The following VAV2 variants were observed in gnomAD, a reference collection of about 807,000 sequenced individuals.
VAV2 encodes the protein guanine nucleotide exchange factor VAV2.
In VAV2, 67 loss-of-function variants were observed where a neutral mutation model predicts 132.5. That is an observed-to-expected ratio of 0.51 (90% confidence interval 0.42 to 0.62). The LOEUF (loss-of-function observed/expected upper bound fraction) is 0.62. VAV2 is among the 20% of genes least tolerant of loss of function. VAV2 has a pLI of 0.00. For synonymous variants in VAV2, 492 were observed against 443.5 expected, an observed-to-expected ratio of 1.11 and a Z score of -1.37; for missense variants, 938 against 1,153.6, an observed-to-expected ratio of 0.81 and a Z score of 2.71.
chr9:133,954,218 G>A (rs1338809414), intron 1 of VAV2, among the ~76,000 whole-genome samples: 1 of 152,202 alleles, frequency 6.6e-6, no homozygotes, highest in Non-Finnish European at 1.5e-5. Flanking sequence ...CATTTCCAGG[G>A]ATTTCTGAGA....
chr9:133,954,041 C>T (rs1203792630), intron 1 of VAV2, among the ~76,000 whole-genome samples: 1 of 152,186 alleles, frequency 6.6e-6, no homozygotes, highest in South Asian at 2.1e-4. Flanking sequence ...GATCCCAGCA[C>T]TATACACGCC....
chr9:133,829,688 G>A (rs998900605), intron 4 of VAV2, among the ~76,000 whole-genome samples: 1 of 152,150 alleles, frequency 6.6e-6, no homozygotes, highest in African/African-American at 2.4e-5. Context: ...AGGCTGGAGT[G>A]CAGTGACAGG....
In VAV2 at chr9:133,804,076, G is replaced by A. The variant is rs1215404237; in HGVS notation, c.836+2005C>T. Among the ~76,000 whole-genome samples the A allele has an allele frequency of 4.6e-5, 7 of 152,176 alleles. No individual in the cohort carries two copies. Among genetic ancestry groups the A allele is most frequent in the African/African-American group, 1.7e-4 (7 of 41,452 alleles). On this transcript the variant is annotated intron_variant, in intron 9 of 29. Transcript: ENST00000371850. This position sits in a 1 kb window ranked among gnomAD's most constrained non-coding sequence, Gnocchi z 4.5. ...ATCCATCCCACCCAGCGAGAGGCCA[G>A]TAGCTCTGTTCACTGCGTGTCCTCA...
intron 3 of VAV2, among the ~76,000 whole-genome samples, chr9:133,852,679 C>T (rs1837233727): frequency 6.6e-6 from 1 of 151,966 alleles, no homozygotes; most frequent in Admixed American, 6.5e-5. Context: ...CTTCTCCTGA[C>T]CGTCTCCAGC....
At position 133,769,005 on chromosome 9, in the gene VAV2, ACT is replaced by A. The variant is rs1833527744; in HGVS notation, c.2434+410_2435-410del. Among the ~76,000 whole-genome samples, 1 of 152,030 alleles carries A rather than the reference ACT, an allele frequency of 6.6e-6. No homozygotes were observed. On this transcript the variant is annotated intron_variant, in intron 28 of 29. Coordinates refer to ENST00000371850, the MANE Select transcript of VAV2 (RefSeq NM_001134398.2). The surrounding 1 kb of genome is among the most constrained non-coding windows in gnomAD (Gnocchi z 8.1). ...ACACAGCTGCTGGGAAGGGACTTTG[ACT>A]CTGGCAGCCGAAAGCCATGAGGTCA... is the stretch of plus-strand genomic sequence containing the variant.
rs533142563 is a variant in VAV2, at chr9:133,768,179, G to A, written c.2589+263C>T. Among the ~76,000 whole-genome samples the A allele has an allele frequency of 6.6e-6, 1 of 152,116 alleles. No individual in the cohort carries two copies. Among genetic ancestry groups the A allele is most frequent in the Non-Finnish European group, 1.5e-5 (1 of 68,002 alleles). ...AATAAAAATGGAACAGGGTCGGGGG[G>A]TTCCTAGGAGCCTGGATCCGCATCA... On this transcript the variant is annotated intron_variant, in intron 29 of 29. Coordinates refer to ENST00000371850, the MANE Select transcript of VAV2 (RefSeq NM_001134398.2). This position sits in a 1 kb window ranked among gnomAD's most constrained non-coding sequence, Gnocchi z 5.3.
At chr9:133,776,391 G>GAC (rs1554769829) in intron 23 of VAV2, among the ~76,000 whole-genome samples, 4 of 151,926 alleles carry the variant, frequency 2.6e-5, no homozygotes, top group African/African-American at 9.7e-5. Context: ...GTGGATGTGA[G>GAC]ACACCCACAG....
chr9:133,964,050 C>CATATATATATAT (rs757580734), intron 1 of VAV2, among the ~76,000 whole-genome samples: 1 of 84,910 alleles, frequency 1.2e-5, no homozygotes, highest in Non-Finnish European at 2.2e-5. Context: ...TATATATATA[C>CATATATATATAT]ATATATATAC....
At chr9:133,867,760 G>A (rs1014993453) in intron 2 of VAV2, among the ~76,000 whole-genome samples, 3 of 152,262 alleles carry the variant, frequency 2.0e-5, no homozygotes, top group Admixed American at 6.5e-5. Context: ...AGGCTCTGTC[G>A]CATCCAGCGA....
chr9:133,783,542 G>A lies in VAV2; in HGVS notation c.1684C>T (p.His562Tyr). Residue 562 changes from histidine to tyrosine, a missense_variant, in exon 19 of 30, where the codon CAC (histidine) becomes TAC (tyrosine). His to Tyr is a moderately conservative substitution (Grantham distance 83, BLOSUM62 2). Transcript: ENST00000371850. ...GGTATCACTTCCAGGCACTCCTTGTGTGCCCCGACGCCACACTTGGTACAC... is the reference window on the plus strand; with the variant it reads ...GGTATCACTTCCAGGCACTCCTTGTATGCCCCGACGCCACACTTGGTACAC... ...YMCTKCGVGA[H>Y]KECLEVIPPC... is the part of the protein sequence containing the mutation. 2.5e-6 allele frequency: 4 copies of A among 1,613,962 alleles called. No individual in the cohort carries two copies. The highest frequency in any genetic ancestry group is 3.4e-6 in the Non-Finnish European group (4 of 1,179,956).
At chr9:133,846,198 G>A (rs1836928512) in intron 3 of VAV2, among the ~76,000 whole-genome samples, 1 of 152,204 alleles carries the variant, frequency 6.6e-6, no homozygotes, top group South Asian at 2.1e-4. Flanking sequence ...AGTGGCAGAG[G>A]TGGGCTGGGA....
chr9:133,781,818 T>C (rs915487773), intron 19 of VAV2, among the ~76,000 whole-genome samples: 3 of 152,102 alleles, frequency 2.0e-5, no homozygotes, highest in Non-Finnish European at 4.4e-5. Context: ...CTGGGGAGAA[T>C]GGAGCTGGTG....
At chr9:133,945,819 C>A (rs1841338112) in intron 1 of VAV2, among the ~76,000 whole-genome samples, 2 of 152,250 alleles carry the variant, frequency 1.3e-5, no homozygotes, top group Non-Finnish European at 2.9e-5. Flanking sequence ...CCTACCTCCC[C>A]CTGGCCTCTT....
intron 1 of VAV2, among the ~76,000 whole-genome samples, chr9:133,955,337 C>A (rs1297130923): frequency 6.6e-6 from 1 of 151,684 alleles, no homozygotes; most frequent in Non-Finnish European, 1.5e-5. Context: ...CTCCTGGCTG[C>A]GGAAGCTGAG....
chr9:133,778,418 G>A (rs1588161979), intron 22 of VAV2, among the ~76,000 whole-genome samples: 1 of 152,192 alleles, frequency 6.6e-6, no homozygotes, highest in South Asian at 2.1e-4. Flanking sequence ...AAGCCTGAGG[G>A]CCTATGAGAC....
chr9:133,959,596 C>T (rs1306735233), intron 1 of VAV2, among the ~76,000 whole-genome samples: 1 of 152,232 alleles, frequency 6.6e-6, no homozygotes, highest in Non-Finnish European at 1.5e-5. Context: ...AGAGGCTGGA[C>T]TGTGCACCAC....
At chr9:133,951,151 A>G (rs1365818384) in intron 1 of VAV2, among the ~76,000 whole-genome samples, 1 of 152,224 alleles carries the variant, frequency 6.6e-6, no homozygotes, top group East Asian at 1.9e-4. Flanking sequence ...GCCTCCTTCT[A>G]TGATCAGAAA....
chr9:133,769,396 C>A lies in VAV2; in HGVS notation c.2434+21G>T, dbSNP rs773978406. 5.6e-6 allele frequency: 9 copies of A among 1,601,046 alleles called. No homozygotes were observed. In the South Asian group the frequency reaches 9.0e-5, roughly 16 times the overall value. On this transcript the variant is annotated intron_variant, in intron 28 of 29. Coordinates refer to ENST00000371850, the MANE Select transcript of VAV2 (RefSeq NM_001134398.2). The surrounding 1 kb of genome is among the most constrained non-coding windows in gnomAD (Gnocchi z 8.1). ...AGCTGCCACAGGCCCGGTCCCCCCA[C>A]GCCCTGGGGAGCAGCGGTACCTGAC...
At chr9:133,981,133 T>C (rs1181150106) in intron 1 of VAV2, among the ~76,000 whole-genome samples, 1 of 152,166 alleles carries the variant, frequency 6.6e-6, no homozygotes, top group East Asian at 1.9e-4. Context: ...AGGCCCCTTC[T>C]TCAGCGTCCC....
Sources: allele counts gnomAD v4.1 joint callset (sites outside exome capture counted in the v4.1 genomes callset), GRCh38; gene constraint gnomAD v4.1.1; non-coding constraint Gnocchi (gnomAD v3.1); transcripts MANE v1.5; gene names NCBI Gene and HGNC (gene_info 2026-07-23, HGNC 2026-07-21).